BABAM2: variants seen among roughly 807,000 people sequenced by gnomAD.
The protein encoded by BABAM2 is BRISC and BRCA1 A complex member 2.
BABAM2 carries 31 observed loss-of-function variants against 54.7 expected under a neutral mutation model. The observed-to-expected ratio is 0.57, with a 90% CI of 0.43 to 0.77. BABAM2 has a LOEUF of 0.77. BABAM2 is among the 30% of genes least tolerant of loss of function. The pLI, the probability that BABAM2 is intolerant of heterozygous loss-of-function variation, is 0.00. For missense variants in BABAM2, 364 were observed against 455.8 expected (o/e 0.80, Z 1.83); for synonymous variants, 167 against 162.9 (o/e 1.03, Z -0.19).
At chr2:28,099,256 T>G (rs906409288) in intron 6 of BABAM2, among the ~76,000 whole-genome samples, 23 of 152,174 alleles carry the variant, frequency 1.5e-4, no homozygotes, top group African/African-American at 5.5e-4. Flanking sequence ...CCACCTTCCC[T>G]TGAGCCATGG....
At chr2:28,045,077 G>A (rs553413132) in intron 5 of BABAM2, among the ~76,000 whole-genome samples, 2 of 151,730 alleles carry the variant, frequency 1.3e-5, no homozygotes, top group South Asian at 4.2e-4. Context: ...TGAGTTTTCT[G>A]TTTTAGCAAA....
intron 7 of BABAM2, among the ~76,000 whole-genome samples, chr2:28,138,781 A>T (rs1670763116): frequency 6.6e-6 from 1 of 152,072 alleles, no homozygotes; most frequent in African/African-American, 2.4e-5. Context: ...TCCCATATCT[A>T]ATCAATTGCC....
intron 3 of BABAM2, among the ~76,000 whole-genome samples, chr2:27,963,133 A>G (rs1670590365): frequency 6.6e-6 from 1 of 152,198 alleles, no homozygotes; most frequent in African/African-American, 2.4e-5. Context: ...GGATAATGGC[A>G]GCAGACTATA....
intron 3 of BABAM2, among the ~76,000 whole-genome samples, chr2:27,931,554 A>G (rs1416434176): frequency 6.6e-6 from 1 of 151,988 alleles, no homozygotes; most frequent in African/African-American, 2.4e-5. Flanking sequence ...TTCTTAATGT[A>G]GTTATATCAC....
intron 3 of BABAM2, among the ~76,000 whole-genome samples, chr2:27,933,101 T>A (rs928433148): frequency 6.6e-6 from 1 of 152,146 alleles, no homozygotes. Context: ...GTAGCATGGG[T>A]TTATGTTAGG....
At chr2:28,027,816 A>T (rs1210713224) in intron 5 of BABAM2, among the ~76,000 whole-genome samples, 1 of 152,150 alleles carries the variant, frequency 6.6e-6, no homozygotes, top group Non-Finnish European at 1.5e-5. Context: ...TGTTTTTTAC[A>T]TTGTTTAAAC....
At chr2:27,998,968 A>G (rs1448646819) in intron 4 of BABAM2, among the ~76,000 whole-genome samples, 1 of 152,230 alleles carries the variant, frequency 6.6e-6, no homozygotes, top group Non-Finnish European at 1.5e-5. Flanking sequence ...GGACTTAGAC[A>G]TTAAAAGGGA....
intron 10 of BABAM2, among the ~76,000 whole-genome samples, chr2:28,268,234 G>A (rs917526742): frequency 1.3e-5 from 2 of 152,208 alleles, no homozygotes; most frequent in African/African-American, 4.8e-5. Flanking sequence ...TACTTGGGGA[G>A]GCTGAGACAA....
chr2:28,201,711 GCTTCGTAGCCTCAACTAATCCTCCA>G (rs1446133708), intron 7 of BABAM2, among the ~76,000 whole-genome samples: 1 of 152,148 alleles, frequency 6.6e-6, no homozygotes, highest in Non-Finnish European at 1.5e-5. Context: ...TCTCATCTCC[GCTTCGTAGCCTCAACTAATCCTCCA>G]CAGCCTCTTG....
rs966732805 is a variant in BABAM2 at position 27,995,741 on chromosome 2, G to T, written c.300+7654G>T. ...ACTACAGGCGCCCGCCACCACACCT[G>T]GCTAGTTTTTTTATATTTTTAGTAG... is the stretch of plus-strand genomic sequence containing the variant. On this transcript the variant is annotated intron_variant, in intron 4 of 11. Coordinates refer to ENST00000379624, the MANE Select transcript of BABAM2 (RefSeq NM_199191.3). This position sits in a 1 kb window ranked among gnomAD's most constrained non-coding sequence, Gnocchi z 4.1. Among the ~76,000 whole-genome samples, 2 of 151,826 alleles carry T rather than the reference G, an allele frequency of 1.3e-5. No individual in the cohort carries two copies. Among genetic ancestry groups the T allele is most frequent in the African/African-American group, 4.8e-5 (2 of 41,332 alleles).
intron 1 of BABAM2, among the ~76,000 whole-genome samples, chr2:27,893,027 T>A (rs1664994268): frequency 6.6e-6 from 1 of 152,186 alleles, no homozygotes; most frequent in Non-Finnish European, 1.5e-5. Flanking sequence ...CTGAAACAGG[T>A]TTTAATTTTC....
In BABAM2 at chr2:28,322,287, C is replaced by CGGAG. The variant is rs1274721824; in HGVS notation, c.1089-16162_1089-16161insGAGG. 1.3e-5 allele frequency among the ~76,000 whole-genome samples: 2 copies of CGGAG among 152,174 alleles called. No homozygotes were observed. Among genetic ancestry groups the CGGAG allele is most frequent in the Non-Finnish European group, 2.9e-5 (2 of 68,032 alleles). Reference sequence around the variant, plus strand: ...CGGTGAAGTATGAGCCACCAAGCTCCGCCCAAGGGTGACCACAGAAGTAGA... The same window carrying CGGAG: ...CGGTGAAGTATGAGCCACCAAGCTCCGGAGGCCCAAGGGTGACCACAGAAGTAGA... On this transcript the variant is annotated intron_variant, in intron 11 of 11. Transcript: ENST00000379624. This position sits in a 1 kb window ranked among gnomAD's most constrained non-coding sequence, Gnocchi z 4.1.
chr2:28,194,762 G>A (rs950105104), intron 7 of BABAM2, among the ~76,000 whole-genome samples: 1 of 152,042 alleles, frequency 6.6e-6, no homozygotes, highest in African/African-American at 2.4e-5. Flanking sequence ...GGTTTGCCAT[G>A]TTGGCCAGGC....
At chr2:28,036,358 G>A (rs966630326) in intron 5 of BABAM2, among the ~76,000 whole-genome samples, 3 of 152,150 alleles carry the variant, frequency 2.0e-5, no homozygotes, top group Non-Finnish European at 4.4e-5. Context: ...TCAGAAAAGA[G>A]TTTCCTAGTT....
chr2:28,206,521 G>A (rs924484503), intron 7 of BABAM2, among the ~76,000 whole-genome samples: 1 of 152,124 alleles, frequency 6.6e-6, no homozygotes, highest in Non-Finnish European at 1.5e-5. Flanking sequence ...GGTTCTTGAT[G>A]GTGGTGATGA....
chr2:28,116,652 C>T (rs963401167), intron 6 of BABAM2, among the ~76,000 whole-genome samples: 4 of 152,134 alleles, frequency 2.6e-5, no homozygotes, highest in African/African-American at 4.8e-5. Flanking sequence ...GAGGAGAGGA[C>T]AGGGTGTAGC....
chr2:28,257,246 A>T lies in BABAM2; in HGVS notation c.934+12384A>T, dbSNP rs374962851. Reference sequence around the variant, plus strand: ...GTAAAATTCACCATTTTAAGTGAACACTTAAATTTTGGCAACCACATACAG... The same window carrying T: ...GTAAAATTCACCATTTTAAGTGAACTCTTAAATTTTGGCAACCACATACAG... On this transcript the variant is annotated intron_variant, in intron 10 of 11. Coordinates refer to ENST00000379624, the MANE Select transcript of BABAM2 (RefSeq NM_199191.3). Among the ~76,000 whole-genome samples, 4 of 152,180 alleles carry T rather than the reference A, an allele frequency of 2.6e-5. No homozygotes were observed. The East Asian group carries it at 5.8e-4, about 22-fold the overall frequency.
intron 4 of BABAM2, among the ~76,000 whole-genome samples, chr2:28,006,571 A>G (rs1673992492): frequency 6.6e-6 from 1 of 152,072 alleles, no homozygotes; most frequent in African/African-American, 2.4e-5. Context: ...CATTTATTTT[A>G]AGGACAGGTA....
chr2:27,981,051 TAA>T (rs1047763988), intron 3 of BABAM2, among the ~76,000 whole-genome samples: 4 of 152,116 alleles, frequency 2.6e-5, no homozygotes, highest in African/African-American at 9.7e-5. Context: ...GTTAAAAATT[TAA>T]AAAGTCTGTC....
Sources: allele counts gnomAD v4.1 joint callset (sites outside exome capture counted in the v4.1 genomes callset), GRCh38; gene constraint gnomAD v4.1.1; non-coding constraint Gnocchi (gnomAD v3.1); transcripts MANE v1.5; gene names NCBI Gene and HGNC (gene_info 2026-07-23, HGNC 2026-07-21).